Variants in CROCC2 observed in about 807,000 individuals in gnomAD.
CROCC2 encodes ciliary rootlet coiled-coil protein 2.
In CROCC2, 163 loss-of-function variants were observed where a neutral mutation model predicts 177.6. The ratio of observed to expected loss-of-function variants is 0.92; its 90% CI spans 0.81 to 1.05. The LOEUF (loss-of-function observed/expected upper bound fraction) is 1.05, where lower values mean the gene tolerates loss of function less well. Among genes scored for constraint, CROCC2 ranks in the 50% least tolerant of loss-of-function variants. CROCC2 has a pLI of 0.00. For synonymous variants in CROCC2, 904 were observed against 787.3 expected (o/e 1.15, Z -2.48); for missense variants, 1,929 against 1,797.8 (o/e 1.07, Z -1.32).
chr2:240,966,787 C>T (rs2106480963), intron 25 of CROCC2, among the ~76,000 whole-genome samples: 1 of 152,264 alleles, frequency 6.6e-6, no homozygotes, highest in Middle Eastern at 3.4e-3. Context: ...GCCAAGCTCC[C>T]CAGTGGCTGC....
chr2:240,965,302 C>A (rs960455820), intron 22 of CROCC2, 79 bp from the exon 23 acceptor site: 2 of 1,521,808 alleles, frequency 1.3e-6, no homozygotes, highest in African/African-American at 1.4e-5. Context: ...GACGTGTGAG[C>A]GGAGGCAGGA....
At chr2:240,991,538 G>A (rs1332619302) in intron 31 of CROCC2, among the ~76,000 whole-genome samples, 1 of 152,246 alleles carries the variant, frequency 6.6e-6, no homozygotes, top group Non-Finnish European at 1.5e-5. Context: ...GGCACACTCT[G>A]AGCCCGCTGA....
At chr2:240,948,459 T>A (rs1328068022) in intron 15 of CROCC2, among the ~76,000 whole-genome samples, 2 of 152,144 alleles carry the variant, frequency 1.3e-5, no homozygotes, top group African/African-American at 2.4e-5. Flanking sequence ...TGTGTTTGAG[T>A]CTTTGTGATG....
chr2:240,907,101 C>T (rs1185081234), intron 1 of CROCC2, among the ~76,000 whole-genome samples: 1 of 152,170 alleles, frequency 6.6e-6, no homozygotes, highest in Non-Finnish European at 1.5e-5. Context: ...CATTCTGGGA[C>T]CTCGTTCACT....
chr2:240,921,182 G>C (rs1408370033), intron 3 of CROCC2, among the ~76,000 whole-genome samples: 1 of 152,160 alleles, frequency 6.6e-6, no homozygotes, highest in East Asian at 1.9e-4. Context: ...CTTCTAGAAG[G>C]GTCCTTCCCA....
chr2:240,991,344 G>A (rs150240242), intron 31 of CROCC2, 66 bp downstream of exon 31: 33 of 1,433,968 alleles, frequency 2.3e-5, no homozygotes, highest in African/African-American at 5.7e-5. Flanking sequence ...AGGGGCAGGC[G>A]GCCCTGGGGA....
chr2:240,962,953 G>GC (rs914281148), intron 20 of CROCC2, among the ~76,000 whole-genome samples: 17 of 152,222 alleles, frequency 1.1e-4, no homozygotes, highest in South Asian at 6.2e-4. Flanking sequence ...TCCTCCCACT[G>GC]CCCCCCCATT....
Position 240,990,344 on chromosome 2 carries a change from A to C in CROCC2, c.4863+511A>C, listed in dbSNP as rs540555853. 2.0e-5 allele frequency among the ~76,000 whole-genome samples: 3 copies of C among 152,334 alleles called. No individual in the cohort carries two copies. In the South Asian group the frequency reaches 6.2e-4, roughly 32 times the overall value. On this transcript the variant is annotated intron_variant, in intron 30 of 31. Transcript: ENST00000690015. ...GTGTGTGTGCACTGCACACCCACAC[A>C]TGCATATGTACACGTGACAGACCTG...
intron 4 of CROCC2, among the ~76,000 whole-genome samples, chr2:240,923,050 C>T (rs572334730): frequency 6.6e-6 from 1 of 152,166 alleles, no homozygotes; most frequent in African/African-American, 2.4e-5. Context: ...CGATTGTACC[C>T]ATCGCTATCA....
At position 240,949,746 on chromosome 2, in the gene CROCC2, C is replaced by G. The variant is rs1416474815; in HGVS notation, c.2652+44C>G. ...CACCAGTAGCTTCCTAGAAGGCTAC[C>G]AGGTCCCGGGGAATGGCAGGCCCTT... On this transcript the variant is annotated intron_variant, in intron 17 of 31. Coordinates refer to ENST00000690015, the MANE Select transcript of CROCC2 (RefSeq NM_001351305.2). This position sits in a 1 kb window ranked among gnomAD's most constrained non-coding sequence, Gnocchi z 4.5. The G allele has an allele frequency of 1.3e-6, 2 of 1,503,288 alleles. No individual in the cohort carries two copies. Among genetic ancestry groups the G allele is most frequent in the East Asian group, 2.5e-5 (1 of 40,228 alleles). The allele number at this position is 1,503,288 out of a possible 1,614,324, so 93.1% of individuals were successfully genotyped here. A position where few individuals can be genotyped will look rare whatever the true frequency, so the allele number is the denominator to read the frequency against.
At chr2:240,946,991 T>G (rs74000177) in intron 15 of CROCC2, among the ~76,000 whole-genome samples, 4,284 of 152,298 alleles carry the variant, frequency 0.028, 141 homozygotes, top group East Asian at 0.16. Context: ...GAACAGGATG[T>G]GTGTAGGCTG....
chr2:240,993,242 AT>A lies in CROCC2; in HGVS notation c.*162del. On this transcript the variant is annotated 3_prime_UTR_variant, in exon 32 of 32. Coordinates refer to ENST00000690015, the MANE Select transcript of CROCC2 (RefSeq NM_001351305.2). ...AGGACCCTCCTTGCCCTGGCTGCTC[AT>A]GGGGAACATTTGAAATGCATGTGGG... The A allele has an allele frequency of 1.8e-6, 1 of 565,942 alleles. No homozygotes were observed. Among genetic ancestry groups the A allele is most frequent in the Non-Finnish European group, 3.2e-6 (1 of 308,378 alleles). The allele number at this position is 565,942 out of a possible 1,614,324, so 35.1% of individuals were successfully genotyped here.
chr2:240,961,647 C>G (rs1410048517), intron 20 of CROCC2, among the ~76,000 whole-genome samples: 1 of 148,568 alleles, frequency 6.7e-6, no homozygotes, highest in African/African-American at 2.5e-5. Flanking sequence ...ATCACACACG[C>G]TCATCACACA....
At position 240,968,621 on chromosome 2, in the gene CROCC2, C is replaced by A. The variant is rs754844899; in HGVS notation, c.4401+359C>A. Among the ~76,000 whole-genome samples the A allele has an allele frequency of 3.5e-4, 53 of 152,340 alleles. No homozygotes were observed. The Middle Eastern group carries it at 0.014, about 39-fold the overall frequency. On this transcript the variant is annotated intron_variant, in intron 27 of 31. Transcript: ENST00000690015. ...CCCTTTCTTCTTGCTGAGGCCACAG[C>A]GGCAGGCATGGGGCGGCCCTGGCCC... is the stretch of plus-strand genomic sequence containing the variant.
intron 1 of CROCC2, among the ~76,000 whole-genome samples, chr2:240,910,927 T>G (rs1052672566): frequency 6.6e-6 from 1 of 152,034 alleles, no homozygotes; most frequent in Non-Finnish European, 1.5e-5. Flanking sequence ...GGTCAGGAGT[T>G]TGAGACCAGC....
rs1425499338 is a variant in CROCC2, at chr2:240,982,865, T to C, written c.4402-15T>C. The C allele has an allele frequency of 6.5e-7, 1 of 1,543,994 alleles. No homozygotes were observed. On this transcript the variant is annotated splice_polypyrimidine_tract_variant and intron_variant, in intron 27 of 31. Coordinates refer to ENST00000690015, the MANE Select transcript of CROCC2 (RefSeq NM_001351305.2). This position sits in a 1 kb window ranked among gnomAD's most constrained non-coding sequence, Gnocchi z 4.7. ...CCAGTGTCTCCAGGTGGACCCTGTG[T>C]CTCCTTCCCCCCAGGAGCAACTGGA...
intron 27 of CROCC2, among the ~76,000 whole-genome samples, chr2:240,977,952 C>G (rs2059776066): frequency 4.7e-5 from 1 of 21,408 alleles, no homozygotes; most frequent in African/African-American, 2.6e-4. Context: ...CCTGCTCAGT[C>G]TCTGGGGTAG....
chr2:240,967,235 C>A, intron 25 of CROCC2, 110 bp from the exon 26 acceptor site: 1 of 499,786 alleles, frequency 2.0e-6, no homozygotes, highest in Non-Finnish European at 3.6e-6. Context: ...CCCTGCACAC[C>A]TGCAGGCCAG....
At chr2:240,967,154 C>A (rs920107229) in intron 25 of CROCC2, among the ~76,000 whole-genome samples, 191 bp from the exon 26 acceptor site, 2 of 152,136 alleles carry the variant, frequency 1.3e-5, no homozygotes, top group Non-Finnish European at 2.9e-5. Flanking sequence ...TGCAGGTCAG[C>A]GCAGCTTCCC....
Sources: gnomAD v4.1 joint callset for allele counts (sites outside exome capture counted in the v4.1 genomes callset) on GRCh38, gnomAD v4.1.1 for gene constraint, Gnocchi (gnomAD v3.1) non-coding constraint, MANE v1.5 for transcripts, NCBI Gene and HGNC (gene_info 2026-07-23, HGNC 2026-07-21) for gene names.